Variants in NAV1 observed in about 807,000 individuals in gnomAD.
The protein encoded by NAV1 is pore membrane and/or filament interacting like protein 3.
NAV1 carries 18 observed loss-of-function variants against 175.2 expected under a neutral mutation model. That is an observed-to-expected ratio of 0.10 (90% confidence interval 0.07 to 0.15). The LOEUF is 0.15. NAV1 is among the 10% of genes least tolerant of loss of function. The probability of loss-of-function intolerance (pLI) is 1.00; values close to 1 mark genes in which losing one functional copy is unlikely to be tolerated. For missense variants in NAV1, 1,731 were observed against 2,436.6 expected (o/e 0.71, Z 6.10); for synonymous variants, 897 against 978.7 (o/e 0.92, Z 1.56).
upstream of NAV1, among the ~76,000 whole-genome samples, chr1:201,620,883 T>A (rs950966768): frequency 3.3e-5 from 5 of 152,162 alleles, no homozygotes; most frequent in African/African-American, 1.2e-4. Flanking sequence ...TCTAATAAAG[T>A]CTTTGGTTTT....
At chr1:201,691,385 A>C (rs888655258) in intron 1 of NAV1, among the ~76,000 whole-genome samples, 2 of 152,254 alleles carry the variant, frequency 1.3e-5, no homozygotes. Context: ...TCTGAGGTTT[A>C]GGAAGCAAAC....
chr1:201,581,654 C>A (rs184422332), intron 1 of NAV1, among the ~76,000 whole-genome samples: 2 of 152,038 alleles, frequency 1.3e-5, no homozygotes, highest in Admixed American at 1.3e-4. Context: ...CATGGCGAAA[C>A]CCTGTCTGTA....
upstream of NAV1, among the ~76,000 whole-genome samples, chr1:201,619,643 C>T (rs542007348): frequency 5.3e-5 from 8 of 151,722 alleles, no homozygotes; most frequent in Admixed American, 5.2e-4. Context: ...TTGTCCTTGG[C>T]ATGCTGGGGC....
intron 2 of NAV1, among the ~76,000 whole-genome samples, chr1:201,637,906 A>T (rs1474094455): frequency 6.6e-6 from 1 of 152,210 alleles, no homozygotes; most frequent in Non-Finnish European, 1.5e-5. Flanking sequence ...AGTGGTGTGT[A>T]TGGGACAGTT....
intron 1 of NAV1, among the ~76,000 whole-genome samples, chr1:201,555,903 G>T (rs924449656): frequency 6.6e-6 from 1 of 151,876 alleles, no homozygotes; most frequent in Non-Finnish European, 1.5e-5. Context: ...CAGCTTCTGG[G>T]GTACTACTTG....
chr1:201,558,275 G>C (rs1289424857), intron 1 of NAV1, among the ~76,000 whole-genome samples: 2 of 152,188 alleles, frequency 1.3e-5, no homozygotes, highest in Non-Finnish European at 2.9e-5. Context: ...TTCTACATAG[G>C]GGAAGGGGAA....
chr1:201,631,386 C>A (rs980059784), intron 2 of NAV1, among the ~76,000 whole-genome samples: 5 of 152,202 alleles, frequency 3.3e-5, no homozygotes, highest in African/African-American at 4.8e-5. Flanking sequence ...CCTCTCACTC[C>A]CAAAGTCACT....
intron 2 of NAV1, among the ~76,000 whole-genome samples, chr1:201,604,724 G>GAGAAAGAAAGAAAGAAAGAA (rs371637628): frequency 1.1e-3 from 161 of 144,190 alleles, no homozygotes; most frequent in African/African-American, 3.8e-3. Context: ...AGGAAAGAAA[G>GAGAAAGAAAGAAAGAAAGAA]AGAAAGAAAG....
chr1:201,628,721 T>G (rs1313370511), intron 1 of NAV1, among the ~76,000 whole-genome samples: 3 of 152,016 alleles, frequency 2.0e-5, no homozygotes, highest in East Asian at 3.9e-4. Context: ...TAATGAAAGC[T>G]CCCACAGCCT....
At chr1:201,728,611 A>AAAAAAG (rs1553260359) in intron 3 of NAV1, among the ~76,000 whole-genome samples, 8 of 151,642 alleles carry the variant, frequency 5.3e-5, no homozygotes, top group Non-Finnish European at 1.2e-4. Context: ...AAAAAAAAAA[A>AAAAAAG]AAAAGAAAAG....
intron 1 of NAV1, among the ~76,000 whole-genome samples, chr1:201,681,242 C>A (rs1670451361): frequency 6.6e-6 from 1 of 152,184 alleles, no homozygotes. Context: ...CTCTTCCCTA[C>A]CCAAACCATC....
At chr1:201,783,451 T>G (rs1676471909) in exon 7 of NAV1, 1 of 1,614,046 alleles carries the variant, frequency 6.2e-7, no homozygotes. Flanking sequence ...TAGCCAATCT[T>G]GACAAGGTCA....
At chr1:201,648,912 G>C in exon 1 of NAV1, 4 of 1,612,720 alleles carry the variant, frequency 2.5e-6, no homozygotes, top group Non-Finnish European at 3.4e-6. Context: ...CGGGCCGCCC[G>C]CCTCCAACCT....
chr1:201,562,668 T>C (rs1666235656), intron 1 of NAV1, among the ~76,000 whole-genome samples: 1 of 152,208 alleles, frequency 6.6e-6, no homozygotes, highest in Non-Finnish European at 1.5e-5. Flanking sequence ...GAGCTTAAGA[T>C]ATAATATTAA....
At position 201,786,305 on chromosome 1, in the gene NAV1, C is replaced by T. The variant is rs148963659; in HGVS notation, c.2847-124C>T. Reference sequence around the variant, plus strand: ...CTCCTTGGGCAGCCCTGACCACTCCCTCTTTTCCATGTCCTGCTTTCAGAA... The same window carrying T: ...CTCCTTGGGCAGCCCTGACCACTCCTTCTTTTCCATGTCCTGCTTTCAGAA... On this transcript the variant is annotated intron_variant, in intron 8 of 29. Transcript: ENST00000367296. 130 of 1,034,080 alleles carry T rather than the reference C, an allele frequency of 1.3e-4. No individual in the cohort carries two copies. The African/African-American group carries it at 1.9e-3, about 15-fold the overall frequency. 64.1% of individuals were successfully genotyped at this position (1,034,080 alleles called of 1,614,324 possible). A position where few individuals can be genotyped will look rare whatever the true frequency, so the allele number is the denominator to read the frequency against.
chr1:201,566,633 G>A (rs1414593767), intron 1 of NAV1, among the ~76,000 whole-genome samples: 1 of 152,144 alleles, frequency 6.6e-6, no homozygotes, highest in Non-Finnish European at 1.5e-5. Context: ...TTGGATCACA[G>A]AGGGCACAGG....
chr1:201,739,737 C>A, intron 3 of NAV1: 1 of 1,156,460 alleles, frequency 8.6e-7, no homozygotes, highest in Non-Finnish European at 1.1e-6. Flanking sequence ...TCTTTGTCTA[C>A]CTGCTCTGGG....
At chr1:201,785,154 G>A (rs778998853) in intron 7 of NAV1, among the ~76,000 whole-genome samples, 156 bp from the exon 12 acceptor site, 12 of 152,114 alleles carry the variant, frequency 7.9e-5, no homozygotes, top group Non-Finnish European at 1.5e-4. Context: ...GCAGGCTATA[G>A]TATCTCTTGG....
Position 201,691,865 on chromosome 1 carries a change from T to C in NAV1, c.758-20952T>C, listed in dbSNP as rs927294408. Among the ~76,000 whole-genome samples the C allele has an allele frequency of 2.0e-5, 3 of 152,260 alleles. No individual in the cohort carries two copies. In the South Asian group the frequency reaches 6.2e-4, roughly 31 times the overall value. On this transcript the variant is annotated intron_variant, in intron 1 of 29. Coordinates refer to ENST00000367296, the Ensembl canonical transcript of NAV1. ...CTCTAAGAAGTTACTACCAGTCATTTGGAGTTGGAATGCCAGTTGCACCTG... is the reference window on the plus strand; with the variant it reads ...CTCTAAGAAGTTACTACCAGTCATTCGGAGTTGGAATGCCAGTTGCACCTG...
Sources: gnomAD v4.1 joint callset for allele counts (sites outside exome capture counted in the v4.1 genomes callset) on GRCh38, gnomAD v4.1.1 for gene constraint, MANE v1.5 for transcripts, NCBI Gene and HGNC (gene_info 2026-07-23, HGNC 2026-07-21) for gene names.